The following C20orf203 variants were observed in gnomAD, a reference collection of about 807,000 sequenced individuals.
The protein encoded by C20orf203 is chromosome 20 open reading frame 203.
Under a neutral mutation model 15.9 loss-of-function variants are expected in C20orf203, and 16 were observed. The observed-to-expected ratio is 1.01, with a 90% CI of 0.68 to 1.53. The LOEUF (loss-of-function observed/expected upper bound fraction) is 1.53, where lower values mean the gene tolerates loss of function less well. C20orf203 is among the 40% of genes most tolerant of loss of function. The pLI, the probability that C20orf203 is intolerant of heterozygous loss-of-function variation, is 0.00. For missense variants in C20orf203, 263 were observed against 247.5 expected (o/e 1.06, Z -0.42); for synonymous variants, 98 against 97.2 (o/e 1.01, Z -0.05).
At chr20:32,658,802 G>A (rs1004112116) in intron 1 of C20orf203, among the ~76,000 whole-genome samples, 2 of 152,044 alleles carry the variant, frequency 1.3e-5, no homozygotes, top group Non-Finnish European at 2.9e-5. Context: ...AAGGCTCAGC[G>A]TCCTCCGGCC....
intron 1 of C20orf203, among the ~76,000 whole-genome samples, chr20:32,663,766 T>G (rs1416803010): frequency 6.6e-6 from 1 of 152,202 alleles, no homozygotes; most frequent in East Asian, 1.9e-4. Flanking sequence ...CTGGGCTCTG[T>G]CCTCACCAGC....
chr20:32,644,943 G>T (rs992528847), intron 4 of C20orf203, among the ~76,000 whole-genome samples: 1 of 151,942 alleles, frequency 6.6e-6, no homozygotes, highest in Admixed American at 6.6e-5. Flanking sequence ...GATGCAGCAG[G>T]GCTAGGATTC....
At chr20:32,662,075 G>A (rs1387911680) in intron 1 of C20orf203, among the ~76,000 whole-genome samples, 2 of 152,188 alleles carry the variant, frequency 1.3e-5, no homozygotes, top group Non-Finnish European at 2.9e-5. Flanking sequence ...ACCCGCTCAC[G>A]CCCCAGGATG....
intron 1 of C20orf203, among the ~76,000 whole-genome samples, chr20:32,658,232 A>C (rs1711708817): frequency 6.6e-6 from 1 of 152,170 alleles, no homozygotes; most frequent in South Asian, 2.1e-4. Context: ...CAAGCATAAT[A>C]GGATTCCATT....
At chr20:32,647,894 CA>C (rs1982482306) in intron 4 of C20orf203, among the ~76,000 whole-genome samples, 2 of 152,206 alleles carry the variant, frequency 1.3e-5, no homozygotes, top group African/African-American at 4.8e-5. Context: ...CGCCTTCCCC[CA>C]CCCTTCCAGG....
chr20:32,659,224 G>A (rs755065962), intron 1 of C20orf203, among the ~76,000 whole-genome samples: 8 of 152,156 alleles, frequency 5.3e-5, no homozygotes, highest in East Asian at 1.9e-4. Context: ...CTGCACAGCC[G>A]ACCCCCTTGC....
At chr20:32,641,967 A>G (rs762359528) in intron 4 of C20orf203, among the ~76,000 whole-genome samples, 10 of 152,194 alleles carry the variant, frequency 6.6e-5, no homozygotes, top group Middle Eastern at 3.4e-3. Flanking sequence ...CCTCTTGAGT[A>G]GTTGGGACTA....
At chr20:32,672,943 G>A (rs1176902221) in intron 1 of C20orf203, among the ~76,000 whole-genome samples, 1 of 152,190 alleles carries the variant, frequency 6.6e-6, no homozygotes, top group Non-Finnish European at 1.5e-5. Context: ...TGGCTGGTAG[G>A]AAGGCACTAG....
chr20:32,646,707 TTGTC>T (rs1982443562), intron 4 of C20orf203, among the ~76,000 whole-genome samples: 2 of 152,322 alleles, frequency 1.3e-5, no homozygotes, highest in African/African-American at 4.8e-5. Context: ...TCCCTATAGG[TTGTC>T]TGCCACCTTC....
At chr20:32,647,409 A>AAC (rs990473046) in intron 4 of C20orf203, among the ~76,000 whole-genome samples, 1 of 149,810 alleles carries the variant, frequency 6.7e-6, no homozygotes, top group Non-Finnish European at 1.5e-5. Context: ...AAAAAAAAAA[A>AAC]AAGAAGAACT....
chr20:32,648,608 T>TG (rs1555816316), intron 4 of C20orf203, among the ~76,000 whole-genome samples: 6,433 of 77,694 alleles, frequency 0.083, 331 homozygotes, highest in African/African-American at 0.21. Context: ...ATCTGGCTAA[T>TG]TTTTTTTTTT....
At chr20:32,668,741 T>G (rs1426064345) in intron 1 of C20orf203, among the ~76,000 whole-genome samples, 2 of 152,072 alleles carry the variant, frequency 1.3e-5, no homozygotes, top group African/African-American at 2.4e-5. Flanking sequence ...GAGAATTGCT[T>G]GAACTCGGGA....
chr20:32,667,224 C>G (rs940499523), intron 1 of C20orf203, among the ~76,000 whole-genome samples: 2 of 152,086 alleles, frequency 1.3e-5, no homozygotes, highest in Non-Finnish European at 2.9e-5. Flanking sequence ...GATTTTATTC[C>G]AAGAGCTTCG....
chr20:32,639,200 C>T (rs1052004420), intron 5 of C20orf203, among the ~76,000 whole-genome samples: 3 of 152,226 alleles, frequency 2.0e-5, no homozygotes, highest in South Asian at 2.1e-4. Flanking sequence ...GCAAAGGGCT[C>T]AGCACACAGC....
chr20:32,652,368 G>A (rs1044081373), intron 1 of C20orf203, among the ~76,000 whole-genome samples: 105 of 145,776 alleles, frequency 7.2e-4, no homozygotes, highest in Non-Finnish European at 4.6e-4. Flanking sequence ...CCTGGCATCA[G>A]AGGGGGCCCA....
At chr20:32,659,022 TGCACCACCAC>T (rs1385286040) in intron 1 of C20orf203, among the ~76,000 whole-genome samples, 1 of 152,058 alleles carries the variant, frequency 6.6e-6, no homozygotes, top group Non-Finnish European at 1.5e-5. Context: ...ACTACAGGCA[TGCACCACCAC>T]GCCTGGCTAA....
intron 4 of C20orf203, among the ~76,000 whole-genome samples, chr20:32,643,393 G>T (rs1367953729): frequency 1.3e-5 from 2 of 152,268 alleles, no homozygotes; most frequent in African/African-American, 4.8e-5. Context: ...TTAAAATAAA[G>T]CCCAGAGCAT....
intron 1 of C20orf203, among the ~76,000 whole-genome samples, chr20:32,672,893 A>C (rs1401008653): frequency 6.6e-6 from 1 of 152,158 alleles, no homozygotes; most frequent in Non-Finnish European, 1.5e-5. Context: ...GTGCCCCTGC[A>C]TCTAAACAGA....
At chr20:32,651,332 G>C (rs982883376) in intron 2 of C20orf203, among the ~76,000 whole-genome samples, 166 bp from the exon 3 acceptor site, 1 of 148,822 alleles carries the variant, frequency 6.7e-6, no homozygotes, top group African/African-American at 2.5e-5. Context: ...GTGGGCAACA[G>C]AGCGAAACCC....
Sources: allele counts gnomAD v4.1 joint callset (sites outside exome capture counted in the v4.1 genomes callset), GRCh38; gene constraint gnomAD v4.1.1; transcripts MANE v1.5; gene names NCBI Gene and HGNC (gene_info 2026-07-23, HGNC 2026-07-21).